The following ZNF644 variants were observed in gnomAD, a reference collection of about 807,000 sequenced individuals.
The protein encoded by ZNF644 is zinc finger protein 644.
A neutral mutation model predicts 108.0 loss-of-function variants in ZNF644; 20 were observed. The observed-to-expected ratio is 0.19, with a 90% confidence interval of 0.13 to 0.27. The LOEUF (loss-of-function observed/expected upper bound fraction) is 0.27. ZNF644 is among the 10% of genes least tolerant of loss of function. The probability of loss-of-function intolerance (pLI) is 1.00; values close to 1 mark genes in which losing one functional copy is unlikely to be tolerated. For missense variants in ZNF644, 1,338 were observed against 1,548.9 expected (o/e 0.86, Z 2.29); for synonymous variants, 542 against 539.1 (o/e 1.01, Z -0.08).
Position 90,939,057 on chromosome 1 carries a change from G to C in ZNF644, c.2297C>G (p.Ala766Gly), listed in dbSNP as rs1557568197. 2 of 1,613,860 alleles carry C rather than the reference G, an allele frequency of 1.2e-6. No individual in the cohort carries two copies. The highest frequency in any genetic ancestry group is 2.7e-5 in the African/African-American group (2 of 74,904). ...CAGGTGTAAAGAATTTAATGAACTA[G>C]CTTCTTCTTTTTTGAAATGCACAGG... is the stretch of plus-strand genomic sequence containing the variant. ...SYPVHFKKEEASSLNSLHLFS... is the reference protein window; with the variant it reads ...SYPVHFKKEEGSSLNSLHLFS... The change falls in exon 3 of 6, where the codon GCT becomes GGT. Residue 766 changes from alanine (A) to glycine (G), a missense_variant. Ala to Gly is a moderately conservative substitution (Grantham distance 60). Coordinates refer to ENST00000337393, the MANE Select transcript of ZNF644 (RefSeq NM_201269.3).
chr1:90,936,086 T>G (rs181308313), intron 4 of ZNF644, among the ~76,000 whole-genome samples: 1 of 152,310 alleles, frequency 6.6e-6, no homozygotes, highest in African/African-American at 2.4e-5. Context: ...TGTTCATTAC[T>G]CTGAATGCGC....
chr1:90,941,204 T>C lies in ZNF644; in HGVS notation c.150A>G (p.Ser50=). 1 of 1,605,664 alleles carries C rather than the reference T, an allele frequency of 6.2e-7. No homozygotes were observed. The highest frequency in any genetic ancestry group is 8.5e-7 in the Non-Finnish European group (1 of 1,176,706). The change falls in exon 3 of 6, where the codon TCA becomes TCG. Residue 50 remains serine, a synonymous_variant. Coordinates refer to ENST00000337393, the MANE Select transcript of ZNF644 (RefSeq NM_201269.3). ...EELLDDNNFI[S]DKESGVHKPK... ...GCTTATGAACTCCGCTCTCTTTGTC[T>C]GAGATAAAATTGTTGTCATCTAGGA...
intron 2 of ZNF644, among the ~76,000 whole-genome samples, chr1:90,973,566 G>T (rs1015222500): frequency 6.6e-6 from 1 of 152,130 alleles, no homozygotes; most frequent in Non-Finnish European, 1.5e-5. Context: ...AAATAAGTCT[G>T]CATTTATCAT....
chr1:90,962,592 T>C (rs920165932), intron 2 of ZNF644, among the ~76,000 whole-genome samples: 1 of 151,986 alleles, frequency 6.6e-6, no homozygotes, highest in African/African-American at 2.4e-5. Context: ...ATAATAAAGA[T>C]CCTAGGATAA....
chr1:91,020,429 A>G (rs1660802925), intron 1 of ZNF644: 1 of 152,260 alleles, frequency 6.6e-6, no homozygotes, highest in African/African-American at 2.4e-5. Context: ...AACACAAAGT[A>G]TGATATAATT....
chr1:90,947,579 C>A (rs563113337), intron 2 of ZNF644, among the ~76,000 whole-genome samples: 2 of 152,190 alleles, frequency 1.3e-5, no homozygotes, highest in South Asian at 4.1e-4. Flanking sequence ...TTCTGGTATT[C>A]TTTAACCTAT....
In ZNF644 at chr1:90,939,108, A is replaced by G; in HGVS notation, c.2246T>C (p.Met749Thr). Residue 749 changes from methionine to threonine, a missense_variant, in exon 3 of 6, where the codon ATG becomes ACG. Coordinates refer to ENST00000337393, the MANE Select transcript of ZNF644 (RefSeq NM_201269.3). ...LYRHKYENYRMIKKSGESYPV... is the reference protein window; with the variant it reads ...LYRHKYENYRTIKKSGESYPV... The stretch of plus-strand genomic sequence containing the variant: ...ATATGATTCACCTGATTTTTTGATC[A>G]TCCTATAGTTTTCATATTTGTGTCT... The G allele has an allele frequency of 6.2e-7, 1 of 1,613,900 alleles. No homozygotes were observed. Among genetic ancestry groups the G allele is most frequent in the South Asian group, 1.1e-5 (1 of 91,080 alleles).
chr1:90,999,978 G>C (rs929769890), intron 1 of ZNF644, among the ~76,000 whole-genome samples: 4 of 152,178 alleles, frequency 2.6e-5, no homozygotes, highest in African/African-American at 9.6e-5. Flanking sequence ...AATTTAACAA[G>C]AAGAGCTAAC....
intron 2 of ZNF644, among the ~76,000 whole-genome samples, chr1:90,951,147 A>C (rs932122570): frequency 2.6e-5 from 4 of 152,220 alleles, no homozygotes; most frequent in Non-Finnish European, 5.9e-5. Flanking sequence ...ACCCAGATCC[A>C]CTAGGACTTC....
chr1:90,989,593 A>C (rs1351840583), intron 1 of ZNF644, among the ~76,000 whole-genome samples: 1 of 152,188 alleles, frequency 6.6e-6, no homozygotes, highest in Non-Finnish European at 1.5e-5. Context: ...CAGTCATCAG[A>C]GAATGCAAAT....
At chr1:90,948,124 A>G (rs984019728) in intron 2 of ZNF644, among the ~76,000 whole-genome samples, 9 of 152,214 alleles carry the variant, frequency 5.9e-5, no homozygotes, top group African/African-American at 1.9e-4. Flanking sequence ...AAAAACTGCT[A>G]TACCTATAAA....
chr1:90,929,177 G>GA (rs547366084), intron 4 of ZNF644, among the ~76,000 whole-genome samples: 11 of 151,768 alleles, frequency 7.2e-5, no homozygotes, highest in African/African-American at 2.7e-4. Flanking sequence ...AAGGGCATCA[G>GA]AAAAAAAAGG....
In ZNF644 at chr1:90,915,533, T is replaced by A. The variant is rs993098866; in HGVS notation, c.*1265A>T. ...AATGGTGCTTGCATACAAAAACTTG[T>A]TGTTTGTAAAGGAATCTGATTTCAG... On this transcript the variant is annotated 3_prime_UTR_variant, in exon 6 of 6. Transcript: ENST00000337393. The A allele has an allele frequency of 4.6e-5, 7 of 152,598 alleles. No individual in the cohort carries two copies. The highest frequency in any genetic ancestry group is 1.7e-4 in the African/African-American group (7 of 41,460). 9.5% of individuals were successfully genotyped at this position (152,598 alleles called of 1,614,324 possible). A position where few individuals can be genotyped will look rare whatever the true frequency, so the allele number is the denominator to read the frequency against.
intron 1 of ZNF644, 38 bp from the exon 2 acceptor site, chr1:90,982,408 T>C: frequency 1.3e-6 from 2 of 1,506,154 alleles, no homozygotes; most frequent in Middle Eastern, 1.7e-4. Context: ...GTTTAATTTT[T>C]TGTTTCAGGC....
In ZNF644 at chr1:91,016,893, C is replaced by T. The variant is rs567797085; in HGVS notation, c.-18+5097G>A. On this transcript the variant is annotated intron_variant, in intron 1 of 5. Transcript: ENST00000337393. ...TCACCCAGGCTAGAGTGCAGTGGCA[C>T]GGCATCTCTGCTCACTGAAGCCTCT... Among the ~76,000 whole-genome samples the T allele has an allele frequency of 4.6e-5, 7 of 152,288 alleles. No homozygotes were observed. The South Asian group carries it at 1.5e-3, about 32-fold the overall frequency.
At chr1:90,954,300 T>C (rs1022406041) in intron 2 of ZNF644, among the ~76,000 whole-genome samples, 2 of 152,214 alleles carry the variant, frequency 1.3e-5, no homozygotes, top group African/African-American at 4.8e-5. Flanking sequence ...CTATTTTCAC[T>C]ACGAGTAGAC....
intron 4 of ZNF644, among the ~76,000 whole-genome samples, chr1:90,919,163 T>G (rs1460829073): frequency 1.3e-5 from 2 of 152,168 alleles, no homozygotes; most frequent in Non-Finnish European, 2.9e-5. Flanking sequence ...GCTACACCAT[T>G]TCTTTGGACA....
chr1:91,014,585 T>C (rs1660268480), intron 1 of ZNF644, among the ~76,000 whole-genome samples: 1 of 152,092 alleles, frequency 6.6e-6, no homozygotes, highest in South Asian at 2.1e-4. Flanking sequence ...TCCCATAAAG[T>C]ATTAGTTCTG....
At chr1:90,945,172 AT>A (rs1160275097) in intron 2 of ZNF644, among the ~76,000 whole-genome samples, 4 of 152,118 alleles carry the variant, frequency 2.6e-5, no homozygotes, top group Non-Finnish European at 5.9e-5. Context: ...AAGCTAATAA[AT>A]TAAGATAAAT....
Sources: allele counts gnomAD v4.1 joint callset (sites outside exome capture counted in the v4.1 genomes callset), GRCh38; gene constraint gnomAD v4.1.1; transcripts MANE v1.5; gene names NCBI Gene and HGNC (gene_info 2026-07-23, HGNC 2026-07-21).